RYR3: variants seen among roughly 807,000 people sequenced by gnomAD.
RYR3 encodes ryanodine receptor 3, also known as brain ryanodine receptor-calcium release channel.
RYR3 carries 207 observed loss-of-function variants against 584.3 expected under a neutral mutation model. The ratio of observed to expected loss-of-function variants is 0.35; its 90% CI spans 0.32 to 0.40. The LOEUF (loss-of-function observed/expected upper bound fraction) is 0.40. Among genes scored for constraint, RYR3 ranks in the 10% least tolerant of loss-of-function variants. The pLI is 1.00. For missense variants in RYR3, 5,616 were observed against 6,089.2 expected (o/e 0.92, Z 2.59); for synonymous variants, 2,416 against 2,248.5 (o/e 1.07, Z -2.11).
chr15:33,836,475 C>A (rs1341347349), intron 87 of RYR3, among the ~76,000 whole-genome samples: 1 of 147,958 alleles, frequency 6.8e-6, no homozygotes, highest in Non-Finnish European at 1.5e-5. Flanking sequence ...CTAAATTAAT[C>A]CAGAAAGAAA....
At chr15:33,537,335 T>C (rs2055413951) in intron 5 of RYR3, among the ~76,000 whole-genome samples, 1 of 152,222 alleles carries the variant, frequency 6.6e-6, no homozygotes, top group Non-Finnish European at 1.5e-5. Context: ...GTTTATTAGA[T>C]CTGACAGGGT....
chr15:33,463,800 A>G (rs2048234168), intron 1 of RYR3, among the ~76,000 whole-genome samples: 1 of 152,158 alleles, frequency 6.6e-6, no homozygotes, highest in Non-Finnish European at 1.5e-5. Context: ...TGGTAATGGG[A>G]AAAGTTGTAA....
At chr15:33,453,334 G>C (rs968284288) in intron 1 of RYR3, among the ~76,000 whole-genome samples, 1 of 152,090 alleles carries the variant, frequency 6.6e-6, no homozygotes, top group African/African-American at 2.4e-5. Flanking sequence ...GATTTTACCA[G>C]CATTTTTCAG....
intron 1 of RYR3, among the ~76,000 whole-genome samples, chr15:33,317,845 C>G (rs1426821909): frequency 6.6e-6 from 1 of 152,098 alleles, no homozygotes; most frequent in Non-Finnish European, 1.5e-5. Context: ...TGAGGTGGGA[C>G]ATAGCTTTAC....
chr15:33,844,741 C>T lies in RYR3; in HGVS notation c.13297-121C>T, dbSNP rs1006327513. ...TCACCTAAAAACCTCATTCATTCAGCAAGTAATGTTGAGTCACTACTATTT... is the reference window on the plus strand; with the variant it reads ...TCACCTAAAAACCTCATTCATTCAGTAAGTAATGTTGAGTCACTACTATTT... On this transcript the variant is annotated intron_variant, in intron 92 of 103. Transcript: ENST00000634891. The T allele has an allele frequency of 1.7e-5, 14 of 821,516 alleles. No individual in the cohort carries two copies. The Admixed American group carries it at 2.4e-4, about 14-fold the overall frequency. The allele number at this position is 821,516 out of a possible 1,614,324, so 50.9% of individuals were successfully genotyped here.
chr15:33,434,626 C>T (rs922433260), intron 1 of RYR3, among the ~76,000 whole-genome samples: 1 of 152,044 alleles, frequency 6.6e-6, no homozygotes, highest in Non-Finnish European at 1.5e-5. Flanking sequence ...TAAAGATAAA[C>T]TGAACACTCG....
intron 47 of RYR3, among the ~76,000 whole-genome samples, chr15:33,729,709 G>A (rs1490529509): frequency 6.6e-6 from 1 of 152,004 alleles, no homozygotes; most frequent in Middle Eastern, 3.2e-3. Flanking sequence ...TCAGAACTAA[G>A]CAGAAAAAGG....
At chr15:33,339,271 A>G (rs1421606549) in intron 1 of RYR3, among the ~76,000 whole-genome samples, 1 of 152,210 alleles carries the variant, frequency 6.6e-6, no homozygotes, top group Non-Finnish European at 1.5e-5. Flanking sequence ...TCAGACTGGA[A>G]GGGCTGATGG....
At chr15:33,630,364 T>C (rs1417489266) in intron 22 of RYR3, among the ~76,000 whole-genome samples, 2 of 152,350 alleles carry the variant, frequency 1.3e-5, no homozygotes, top group South Asian at 2.1e-4. Flanking sequence ...CTAAAACCCG[T>C]TGGGAAACCT....
At chr15:33,337,814 A>G (rs1971305403) in intron 1 of RYR3, among the ~76,000 whole-genome samples, 1 of 152,140 alleles carries the variant, frequency 6.6e-6, no homozygotes, top group African/African-American at 2.4e-5. Flanking sequence ...AAGTATGTTC[A>G]TAGTACTGAA....
intron 53 of RYR3, among the ~76,000 whole-genome samples, chr15:33,747,570 A>G (rs2070866832): frequency 6.6e-6 from 1 of 151,956 alleles, no homozygotes; most frequent in African/African-American, 2.4e-5. Context: ...GACTACAGGC[A>G]TGCACCACTA....
At chr15:33,841,602 GA>G (rs548241268) in intron 90 of RYR3, among the ~76,000 whole-genome samples, 5 of 152,210 alleles carry the variant, frequency 3.3e-5, no homozygotes, top group Admixed American at 6.5e-5. Flanking sequence ...TTCAGAAGGG[GA>G]AAAAAATTGT....
At chr15:33,756,947 G>A (rs374110104) in intron 59 of RYR3, among the ~76,000 whole-genome samples, 1 of 152,260 alleles carries the variant, frequency 6.6e-6, no homozygotes, top group Non-Finnish European at 1.5e-5. Flanking sequence ...GAGACTGGGT[G>A]ATACGTTTTC....
rs773345358 is a variant in RYR3 at position 33,663,566 on chromosome 15, C to T, written c.5448C>T (p.Asp1816=). 3.5e-5 allele frequency: 56 copies of T among 1,613,738 alleles called. No individual in the cohort carries two copies. The highest frequency in any genetic ancestry group is 4.7e-5 in the Non-Finnish European group (56 of 1,179,850). The change falls in exon 36 of 104, where the codon GAC becomes GAT. Residue 1816 remains aspartate (D), a synonymous_variant. Transcript: ENST00000634891. ...QMCELLSYLC[D]CELQHRVEAI... is the part of the protein sequence containing the mutation. ...GTGAGCTCCTCAGCTATCTCTGCGA[C>T]TGTGAGCTGCAGCACCGAGTGGAGG...
intron 80 of RYR3, 135 bp downstream of exon 80, chr15:33,821,737 G>A: frequency 5.3e-6 from 4 of 759,494 alleles, no homozygotes; most frequent in African/African-American, 1.7e-5. Flanking sequence ...TGTCCTTAGT[G>A]GCCAGTTATA....
At chr15:33,860,521 A>T in intron 100 of RYR3, 74 bp from the exon 101 acceptor site, 3 of 844,058 alleles carry the variant, frequency 3.6e-6, no homozygotes, top group Non-Finnish European at 5.4e-6. Flanking sequence ...AGAACAAAGT[A>T]GCTTCTTCCT....
intron 100 of RYR3, 73 bp downstream of exon 100, chr15:33,859,804 T>A: frequency 6.9e-7 from 1 of 1,448,054 alleles, no homozygotes; most frequent in Non-Finnish European, 9.4e-7. Context: ...ATCTATGACT[T>A]AATTGGTTTA....
chr15:33,604,687 A>T (rs1595796971), intron 18 of RYR3, among the ~76,000 whole-genome samples: 1 of 152,222 alleles, frequency 6.6e-6, no homozygotes, highest in East Asian at 1.9e-4. Context: ...CATCCTCCCA[A>T]CTTAACCTTC....
Position 33,819,802 on chromosome 15 carries a change from G to A in RYR3, c.10753G>A (p.Ala3585Thr). The A allele has an allele frequency of 1.3e-6, 2 of 1,587,150 alleles. No individual in the cohort carries two copies. The highest frequency in any genetic ancestry group is 1.7e-6 in the Non-Finnish European group (2 of 1,164,500). ...GTACACCTCCTATTCCAGCATGATG[G>A]CCAAGGTACACCCAGGTTTTCTGCC... ...PLYTSYSSMMAKSCQSGEDEE... is the reference protein window; with the variant it reads ...PLYTSYSSMMTKSCQSGEDEE... The change falls in exon 77 of 104, where the codon GCC becomes ACC. Residue 3585 changes from alanine to threonine, a missense_variant. Around this residue, in one of 9 missense-constraint regions of RYR3, gnomAD observed 954 missense variants for 1,132.2 expected, o/e 0.84. Coordinates refer to ENST00000634891, the MANE Select transcript of RYR3 (RefSeq NM_001036.6).
Sources: gnomAD v4.1 joint callset for allele counts (sites outside exome capture counted in the v4.1 genomes callset) on GRCh38, gnomAD v4.1.1 for gene constraint, gnomAD v4.1.1 regional missense constraint, MANE v1.5 for transcripts, NCBI Gene and HGNC (gene_info 2026-07-23, HGNC 2026-07-21) for gene names.